The following CSMD1 variants were observed in gnomAD, a reference collection of about 807,000 sequenced individuals.
CSMD1 encodes CUB and sushi domain-containing protein 1.
A neutral mutation model predicts 417.5 loss-of-function variants in CSMD1; 213 were observed. That is an observed-to-expected ratio of 0.51 (90% confidence interval 0.46 to 0.57). The LOEUF is 0.57. CSMD1 is among the 20% of genes least tolerant of loss of function. The pLI is 0.00. For synonymous variants in CSMD1, 2,862 were observed against 1,736.8 expected, an observed-to-expected ratio of 1.65 and a Z score of -16.11; for missense variants, 6,923 against 4,529.7, an observed-to-expected ratio of 1.53 and a Z score of -15.17.
intron 37 of CSMD1, among the ~76,000 whole-genome samples, chr8:3,170,497 C>T (rs145438518): frequency 1.7e-3 from 255 of 152,288 alleles, no homozygotes; most frequent in Non-Finnish European, 2.9e-3. Flanking sequence ...CGTGAGCCAC[C>T]GTGCCCGGCC....
chr8:4,240,535 G>C (rs1279279529), intron 3 of CSMD1, among the ~76,000 whole-genome samples: 1 of 152,206 alleles, frequency 6.6e-6, no homozygotes, highest in Non-Finnish European at 1.5e-5. Flanking sequence ...TGATTGTGTA[G>C]TGTCCTCTTA....
At chr8:3,920,691 G>C (rs925153631) in intron 5 of CSMD1, among the ~76,000 whole-genome samples, 1 of 151,992 alleles carries the variant, frequency 6.6e-6, no homozygotes, top group Non-Finnish European at 1.5e-5. Flanking sequence ...AGGAAAATAG[G>C]TTAAATTTTG....
intron 5 of CSMD1, among the ~76,000 whole-genome samples, chr8:3,772,312 C>G (rs369804918): frequency 1.5e-4 from 7 of 46,504 alleles, no homozygotes; most frequent in Non-Finnish European, 2.4e-4. Flanking sequence ...TATATTTAGA[C>G]ATACATATGT....
At chr8:4,514,220 G>T (rs577035616) in intron 2 of CSMD1, among the ~76,000 whole-genome samples, 34 of 152,186 alleles carry the variant, frequency 2.2e-4, no homozygotes, top group African/African-American at 7.7e-4. Context: ...TAGGGGATGG[G>T]GAGGTTTCCT....
intron 8 of CSMD1, among the ~76,000 whole-genome samples, chr8:3,611,904 A>G (rs554721978): frequency 6.6e-6 from 1 of 152,272 alleles, no homozygotes; most frequent in African/African-American, 2.4e-5. Flanking sequence ...GTTTATTTTC[A>G]AAACCCCATA....
At chr8:4,961,710 A>G (rs1180355912) in intron 1 of CSMD1, among the ~76,000 whole-genome samples, 1 of 152,018 alleles carries the variant, frequency 6.6e-6, no homozygotes, top group Non-Finnish European at 1.5e-5. Flanking sequence ...ATGATAACGT[A>G]ATTTTATTTG....
chr8:4,068,688 C>A (rs973768054), intron 3 of CSMD1, among the ~76,000 whole-genome samples: 2 of 152,122 alleles, frequency 1.3e-5, no homozygotes, highest in South Asian at 2.1e-4. Flanking sequence ...CTATTATTCT[C>A]ATTTCAAGAT....
chr8:4,032,032 G>C lies in CSMD1; in HGVS notation c.483C>G (p.Phe161Leu), dbSNP rs777606781. 3.1e-6 allele frequency: 5 copies of C among 1,613,910 alleles called. No individual in the cohort carries two copies. Among genetic ancestry groups the C allele is most frequent in the South Asian group, 1.1e-5 (1 of 91,080 alleles). The change falls in exon 4 of 70, where the codon TTC becomes TTG. Residue 161 changes from phenylalanine to leucine, a missense_variant. By Grantham distance (22) the Phe-to-Leu change is conservative. Transcript: ENST00000635120. The stretch of plus-strand genomic sequence containing the variant: ...TGTACCGGATTTTGTCTCCTATGTT[G>C]AATCTCGTTCCATGCAGAACTCCTT... ...ILKGVLHGTR[F>L]NIGDKIRYSC...
chr8:4,919,962 T>C (rs1449650962), intron 1 of CSMD1, among the ~76,000 whole-genome samples: 1 of 152,184 alleles, frequency 6.6e-6, no homozygotes, highest in East Asian at 1.9e-4. Context: ...GCCTTGATCT[T>C]GGACTTCCCA....
intron 2 of CSMD1, among the ~76,000 whole-genome samples, chr8:4,469,239 A>C (rs539642630): frequency 6.6e-6 from 1 of 152,204 alleles, no homozygotes; most frequent in African/African-American, 2.4e-5. Context: ...GAAAGCTCAT[A>C]AAAGGAGCTC....
At chr8:4,688,155 T>TA (rs2116748055) in intron 1 of CSMD1, among the ~76,000 whole-genome samples, 1 of 152,262 alleles carries the variant, frequency 6.6e-6, no homozygotes, top group East Asian at 1.9e-4. Flanking sequence ...TTCTAAGGTA[T>TA]TTGATTCTAG....
intron 8 of CSMD1, among the ~76,000 whole-genome samples, chr8:3,609,023 T>C (rs1450211072): frequency 6.6e-6 from 1 of 152,130 alleles, no homozygotes; most frequent in Admixed American, 6.5e-5. Context: ...TTTCCAGCGG[T>C]CCTGCATAGT....
intron 5 of CSMD1, among the ~76,000 whole-genome samples, chr8:3,976,338 A>C (rs531110974): frequency 3.3e-5 from 5 of 152,272 alleles, no homozygotes; most frequent in African/African-American, 9.6e-5. Context: ...TTAATTACTA[A>C]AACTGAAAGG....
At chr8:4,870,928 G>A (rs1254566928) in intron 1 of CSMD1, among the ~76,000 whole-genome samples, 1 of 152,154 alleles carries the variant, frequency 6.6e-6, no homozygotes. Context: ...ATCACACACT[G>A]CAGGGATGGA....
intron 3 of CSMD1, among the ~76,000 whole-genome samples, chr8:4,087,118 C>G (rs1308222192): frequency 6.6e-6 from 1 of 152,178 alleles, no homozygotes; most frequent in Non-Finnish European, 1.5e-5. Context: ...GGCATTCAAT[C>G]TCTGGGTGAT....
At chr8:4,117,537 T>A (rs567755131) in intron 3 of CSMD1, among the ~76,000 whole-genome samples, 1 of 152,332 alleles carries the variant, frequency 6.6e-6, no homozygotes, top group South Asian at 2.1e-4. Flanking sequence ...CCTATTATAA[T>A]ACTCACTGAT....
intron 1 of CSMD1, among the ~76,000 whole-genome samples, chr8:4,863,633 C>T (rs1269985332): frequency 3.3e-5 from 5 of 152,030 alleles, no homozygotes; most frequent in Non-Finnish European, 7.4e-5. Flanking sequence ...TCTCCATATC[C>T]ACCCAGGGGA....
intron 3 of CSMD1, among the ~76,000 whole-genome samples, chr8:4,302,824 C>G (rs1351644796): frequency 6.6e-6 from 1 of 152,104 alleles, no homozygotes; most frequent in East Asian, 1.9e-4. Flanking sequence ...GTCACAGGGT[C>G]CTAGTGACCC....
chr8:4,652,615 G>C (rs1803970043), intron 1 of CSMD1, among the ~76,000 whole-genome samples: 1 of 152,066 alleles, frequency 6.6e-6, no homozygotes, highest in South Asian at 2.1e-4. Flanking sequence ...TCAAGCCATT[G>C]CACCACAGCC....
Sources: allele counts gnomAD v4.1 joint callset (sites outside exome capture counted in the v4.1 genomes callset), GRCh38; gene constraint gnomAD v4.1.1; transcripts MANE v1.5; gene names NCBI Gene and HGNC (gene_info 2026-07-23, HGNC 2026-07-21).